The following NOMO1 variants were observed in gnomAD, a reference collection of about 807,000 sequenced individuals.
The protein encoded by NOMO1 is NODAL modulator 1, also known as nodal modulator 3.
NOMO1 carries 40 observed loss-of-function variants against 133.8 expected under a neutral mutation model. That is an observed-to-expected ratio of 0.30 (90% confidence interval 0.23 to 0.39). The LOEUF is 0.39. NOMO1 is among the 10% of genes least tolerant of loss of function. NOMO1 has a pLI of 1.00. For synonymous variants in NOMO1, 236 were observed against 570.5 expected, an observed-to-expected ratio of 0.41 and a Z score of 8.36; for missense variants, 462 against 1,419.9, an observed-to-expected ratio of 0.33 and a Z score of 10.84.
intron 29 of NOMO1, among the ~76,000 whole-genome samples, chr16:14,894,373 A>G (rs917713755): frequency 2.0e-5 from 3 of 152,076 alleles, no homozygotes; most frequent in Non-Finnish European, 4.4e-5. Flanking sequence ...TTCCTGTACC[A>G]TTGGCCAAAA....
At chr16:14,881,106 C>T (rs1370906262) in intron 24 of NOMO1, among the ~76,000 whole-genome samples, 1 of 152,008 alleles carries the variant, frequency 6.6e-6, no homozygotes, top group Non-Finnish European at 1.5e-5. Context: ...CACAGATACA[C>T]ACATATATGT....
In NOMO1 at chr16:14,853,400, C is replaced by T; in HGVS notation, c.736-67C>T. On this transcript the variant is annotated intron_variant, in intron 7 of 30. Transcript: ENST00000287667. Reference sequence around the variant, plus strand: ...TTAAAAAAATTTTCCTATAATGTGGCTAATTGATGGTATTCAGAACATGTA... The same window carrying T: ...TTAAAAAAATTTTCCTATAATGTGGTTAATTGATGGTATTCAGAACATGTA... 1.7e-5 allele frequency: 22 copies of T among 1,292,210 alleles called. No individual in the cohort carries two copies. In the South Asian group the frequency reaches 3.1e-4, roughly 18 times the overall value. The allele number at this position is 1,292,210 out of a possible 1,614,324, so 80.0% of individuals were successfully genotyped here.
intron 1 of NOMO1, among the ~76,000 whole-genome samples, chr16:14,836,694 CTT>C (rs954619401): frequency 1.5e-5 from 2 of 131,264 alleles, no homozygotes; most frequent in Non-Finnish European, 3.3e-5. Flanking sequence ...TTCCATTTTA[CTT>C]TTTTTTTTTT....
intron 1 of NOMO1, among the ~76,000 whole-genome samples, chr16:14,837,699 G>T (rs1567534913): frequency 1.3e-5 from 2 of 149,466 alleles, no homozygotes; most frequent in Non-Finnish European, 3.0e-5. Context: ...CAGACCTTTA[G>T]TTGAGAAATA....
rs1964261500 is a variant in NOMO1, at chr16:14,882,677, G to T, written c.3111G>T (p.Glu1037Asp). Residue 1037 changes from glutamate to aspartate, a missense_variant and splice_region_variant, in exon 26 of 31, where the codon GAG (glutamate) becomes GAT (aspartate). Transcript: ENST00000287667. ...CGCTCCCCCACCATAGGGTGATTGA[G>T]GTAAGGCATTCAGTGCTGCCGCTGC... ...ERALPHHRVI[E>D]VGNNDIDDVN... 2.5e-6 allele frequency: 4 copies of T among 1,611,690 alleles called. No homozygotes were observed. The East Asian group carries it at 8.9e-5, about 36-fold the overall frequency.
intron 3 of NOMO1, among the ~76,000 whole-genome samples, chr16:14,842,334 G>A (rs1963616415): frequency 6.6e-6 from 1 of 150,618 alleles, no homozygotes; most frequent in South Asian, 2.1e-4. Flanking sequence ...TGAGGCTCAG[G>A]CAGCTGACAG....
chr16:14,838,317 G>C, intron 1 of NOMO1, 90 bp from the exon 2 acceptor site: 1 of 1,272,332 alleles, frequency 7.9e-7, no homozygotes, highest in Admixed American at 1.8e-5. Context: ...CTCAGTGAAT[G>C]TATACTGACT....
At chr16:14,881,344 A>G (rs1349151558) in intron 24 of NOMO1, among the ~76,000 whole-genome samples, 200 bp from the exon 25 acceptor site, 1 of 151,990 alleles carries the variant, frequency 6.6e-6, no homozygotes, top group Non-Finnish European at 1.5e-5. Context: ...AATGTATGAG[A>G]AAAGAAATTG....
At chr16:14,843,347 A>G (rs899900284) in intron 3 of NOMO1, among the ~76,000 whole-genome samples, 1 of 148,248 alleles carries the variant, frequency 6.7e-6, no homozygotes, top group African/African-American at 2.5e-5. Flanking sequence ...GTATATTTTG[A>G]TACATGTGTC....
chr16:14,844,341 A>G (rs559105050), intron 3 of NOMO1, among the ~76,000 whole-genome samples: 6 of 152,066 alleles, frequency 3.9e-5, no homozygotes, highest in African/African-American at 9.7e-5. Context: ...ATGAGCATTC[A>G]GGAAATAAAA....
intron 11 of NOMO1, among the ~76,000 whole-genome samples, chr16:14,860,067 G>A (rs941253427): frequency 1.3e-5 from 2 of 151,864 alleles, no homozygotes; most frequent in Admixed American, 6.6e-5. Context: ...GTGGAAACCC[G>A]TTAGGAGTTG....
intron 28 of NOMO1, 109 bp downstream of exon 28, chr16:14,886,971 A>G: frequency 2.7e-6 from 4 of 1,467,640 alleles, no homozygotes; most frequent in Non-Finnish European, 3.8e-6. Context: ...ACTCTGCAGA[A>G]ATACGCTCTC....
chr16:14,892,549 G>C lies in NOMO1; in HGVS notation c.3445-2449G>C, dbSNP rs1028676422. Among the ~76,000 whole-genome samples the C allele has an allele frequency of 1.3e-4, 19 of 146,914 alleles. 1 individual carries two copies. The highest frequency in any genetic ancestry group is 4.8e-4 in the African/African-American group (19 of 39,696). ...CCTGGTGTGTGATGTTCCCCTTCCT[G>C]TATACCTATGTAACTAACCTGCACA... On this transcript the variant is annotated intron_variant, in intron 29 of 30. Coordinates refer to ENST00000287667, the MANE Select transcript of NOMO1 (RefSeq NM_014287.4).
chr16:14,884,309 A>G (rs571812536), intron 26 of NOMO1, 63 bp from the exon 27 acceptor site: 1 of 1,301,478 alleles, frequency 7.7e-7, no homozygotes, highest in Admixed American at 2.1e-5. Flanking sequence ...GCCATCGGAC[A>G]GCTGGCATAG....
chr16:14,838,592 A>T, intron 2 of NOMO1, 96 bp downstream of exon 2: 1 of 1,299,822 alleles, frequency 7.7e-7, no homozygotes. Context: ...GCAAATGCTC[A>T]TCTGTTTTGT....
At chr16:14,850,655 CT>C (rs1963744296) in intron 6 of NOMO1, among the ~76,000 whole-genome samples, 1 of 151,316 alleles carries the variant, frequency 6.6e-6, no homozygotes, top group Non-Finnish European at 1.5e-5. Context: ...TCTACTCTAT[CT>C]GTTTTATTAT....
rs539775121 is a variant in NOMO1 at position 14,846,820 on chromosome 16, G to A, written c.509+137G>A. On this transcript the variant is annotated intron_variant, in intron 5 of 30. Coordinates refer to ENST00000287667, the MANE Select transcript of NOMO1 (RefSeq NM_014287.4). ...AGCCTCTTTGGGTGAGTTCATGCCC[G>A]TCAGAGTGCTGAGTTCCCCACATGT... 7.9e-5 allele frequency: 118 copies of A among 1,500,922 alleles called. 1 individual carries two copies. Among genetic ancestry groups the A allele is most frequent in the East Asian group, 4.2e-4 (18 of 43,192 alleles). 93.0% of individuals were successfully genotyped at this position (1,500,922 alleles called of 1,614,324 possible).
At chr16:14,867,176 ATTTTTTTTTTTT>A (rs1174703237) in intron 15 of NOMO1, among the ~76,000 whole-genome samples, 1 of 7,476 alleles carries the variant, frequency 1.3e-4, no homozygotes, top group East Asian at 2.5e-3. Context: ...ATATATATAT[ATTTTTTTTTTTT>A]TTTTTTTTTT....
At position 14,853,666 on chromosome 16, in the gene NOMO1, A is replaced by G; in HGVS notation, c.873+62A>G. ...GACTCTCATGACACAGTAAAAGCCA[A>G]TGCTGTTTGGGTGTTAAAGGAAAAG... On this transcript the variant is annotated intron_variant, in intron 8 of 30. Coordinates refer to ENST00000287667, the MANE Select transcript of NOMO1 (RefSeq NM_014287.4). 5.0e-6 allele frequency: 8 copies of G among 1,611,016 alleles called. No homozygotes were observed. The South Asian group carries it at 5.5e-5, about 11-fold the overall frequency.
Sources: gnomAD v4.1 joint callset for allele counts (sites outside exome capture counted in the v4.1 genomes callset) on GRCh38, gnomAD v4.1.1 for gene constraint, MANE v1.5 for transcripts, NCBI Gene and HGNC (gene_info 2026-07-23, HGNC 2026-07-21) for gene names.